The following PPEF1 variants were observed in gnomAD, a reference collection of about 807,000 sequenced individuals.
PPEF1 encodes protein phosphatase with EF-hand domain 1, also known as serine/threonine-protein phosphatase with EF-hands 1.
PPEF1 carries 12 observed loss-of-function variants against 53.3 expected under a neutral mutation model. That is an observed-to-expected ratio of 0.23 (90% CI 0.14 to 0.36). The LOEUF (loss-of-function observed/expected upper bound fraction) is 0.36. PPEF1 is among the 10% of genes least tolerant of loss of function. The probability of loss-of-function intolerance (pLI) is 1.00; values close to 1 mark genes in which losing one functional copy is unlikely to be tolerated. For synonymous variants in PPEF1, 165 were observed against 176.7 expected (o/e 0.93, Z 0.52); for missense variants, 334 against 490.4 (o/e 0.68, Z 3.01).
intron 6 of PPEF1, among the ~76,000 whole-genome samples, chrX:18,700,905 A>C (rs900623008): frequency 8.9e-6 from 1 of 112,661 alleles, no homozygotes; most frequent in African/African-American, 3.2e-5. Context: ...CTCTTTAGTG[A>C]TTTAGTTCGT....
chrX:18,686,886 G>A (rs778072792), intron 3 of PPEF1, among the ~76,000 whole-genome samples: 3 of 110,970 alleles, frequency 2.7e-5, no homozygotes, highest in Non-Finnish European at 5.7e-5. Flanking sequence ...CTTGGTTTTC[G>A]TCCCACATGA....
At chrX:18,788,075 G>C (rs1245493669) in intron 9 of PPEF1, among the ~76,000 whole-genome samples, 1 of 111,805 alleles carries the variant, frequency 8.9e-6, no homozygotes, top group Non-Finnish European at 1.9e-5. Context: ...CGAGCACTTT[G>C]GGAGGCCAAG....
chrX:18,796,999 A>G (rs1988963294), intron 10 of PPEF1, among the ~76,000 whole-genome samples: 2 of 111,600 alleles, frequency 1.8e-5, no homozygotes, highest in South Asian at 3.8e-4. Context: ...ACTGGGGCTC[A>G]TTATTCCATA....
At chrX:18,786,465 G>A (rs1000578896) in intron 9 of PPEF1, among the ~76,000 whole-genome samples, 3 of 111,451 alleles carry the variant, frequency 2.7e-5, no homozygotes, top group Non-Finnish European at 5.6e-5. Flanking sequence ...ATTTTTGGGA[G>A]GATTAAATGT....
At chrX:18,755,305 G>A (rs1175435694) in intron 4 of PPEF1, among the ~76,000 whole-genome samples, 4 of 111,541 alleles carry the variant, frequency 3.6e-5, no homozygotes, top group Non-Finnish European at 7.5e-5. Context: ...AGTGGCTCAC[G>A]CCTGTAATCC....
intron 3 of PPEF1, among the ~76,000 whole-genome samples, chrX:18,738,861 T>G (rs2045067104): frequency 8.9e-6 from 1 of 111,804 alleles, no homozygotes; most frequent in African/African-American, 3.2e-5. Flanking sequence ...CTCTTCTCGC[T>G]TCATTTCATT....
chrX:18,715,307 G>A (rs1324005938), intron 1 of PPEF1, among the ~76,000 whole-genome samples: 1 of 111,538 alleles, frequency 9.0e-6, no homozygotes, highest in Non-Finnish European at 1.9e-5. Flanking sequence ...TGAGGTGGGT[G>A]GATCACTTGA....
intron 2 of PPEF1, among the ~76,000 whole-genome samples, chrX:18,733,246 G>T (rs1010087812): frequency 9.0e-6 from 1 of 111,500 alleles, no homozygotes; most frequent in East Asian, 2.8e-4. Flanking sequence ...ACAAAATTTG[G>T]TAGCTGTCTT....
chrX:18,798,324 C>T (rs866825825), intron 10 of PPEF1, among the ~76,000 whole-genome samples: 2 of 111,781 alleles, frequency 1.8e-5, no homozygotes, highest in South Asian at 3.7e-4. Context: ...TGAGCCACGG[C>T]GCCTGGCCAA....
chrX:18,718,747 T>A (rs1367945904), intron 1 of PPEF1, among the ~76,000 whole-genome samples: 1 of 112,082 alleles, frequency 8.9e-6, no homozygotes, highest in Non-Finnish European at 1.9e-5. Flanking sequence ...TGTTAGGAAA[T>A]CTTGTTACAG....
chrX:18,806,658 A>C, intron 12 of PPEF1, 113 bp downstream of exon 12: 22 of 757,530 alleles, frequency 2.9e-5, no homozygotes, highest in Admixed American at 3.7e-5. Context: ...TAGCTTACTC[A>C]TTAGTATCAA....
intron 3 of PPEF1, among the ~76,000 whole-genome samples, chrX:18,734,053 A>G (rs2044902808): frequency 9.0e-6 from 1 of 111,683 alleles, no homozygotes; most frequent in Non-Finnish European, 1.9e-5. Context: ...AATTCATTCA[A>G]TATTCATTTG....
intron 3 of PPEF1, among the ~76,000 whole-genome samples, chrX:18,689,670 T>C (rs755749859): frequency 9.1e-6 from 1 of 109,755 alleles, no homozygotes; most frequent in South Asian, 4.0e-4. Context: ...GGAATCTGTG[T>C]TTTGACAAGA....
intron 15 of PPEF1, among the ~76,000 whole-genome samples, chrX:18,826,392 AAGGGC>A (rs2047164311): frequency 9.8e-6 from 1 of 101,852 alleles, no homozygotes. Flanking sequence ...TTTGGGGAGT[AAGGGC>A]TATGAAAAGT....
upstream of PPEF1, among the ~76,000 whole-genome samples, chrX:18,705,640 G>A (rs184540037): frequency 9.8e-4 from 109 of 111,412 alleles, no homozygotes; most frequent in South Asian, 0.011. Flanking sequence ...ACTTGAGCCC[G>A]GGAGGTGGAG....
chrX:18,726,925 G>C (rs773978863), intron 1 of PPEF1, among the ~76,000 whole-genome samples: 34 of 112,290 alleles, frequency 3.0e-4, no homozygotes, highest in African/African-American at 1.0e-3. Flanking sequence ...GCCTCCCAAA[G>C]TGTTGGGATT....
At chrX:18,678,266 A>T (rs1928751823), upstream of PPEF1, among the ~76,000 whole-genome samples, 1 of 109,539 alleles carries the variant, frequency 9.1e-6, no homozygotes, top group African/African-American at 3.3e-5. Context: ...CCCCATCTCT[A>T]TAAAAAAATA....
At chrX:18,717,613 T>G (rs2044486394) in intron 1 of PPEF1, among the ~76,000 whole-genome samples, 1 of 111,413 alleles carries the variant, frequency 9.0e-6, no homozygotes, top group South Asian at 3.8e-4. Context: ...TTTTCAGTGC[T>G]GATTTTGCTC....
chrX:18,818,393 C>CA (rs2046963062), intron 13 of PPEF1, among the ~76,000 whole-genome samples: 2 of 92,194 alleles, frequency 2.2e-5, no homozygotes, highest in Admixed American at 2.6e-4. Context: ...TTTTTTGAGA[C>CA]AGAGTCTTGT....
Sources: allele counts gnomAD v4.1 joint callset (sites outside exome capture counted in the v4.1 genomes callset), GRCh38; gene constraint gnomAD v4.1.1; transcripts MANE v1.5; gene names NCBI Gene and HGNC (gene_info 2026-07-23, HGNC 2026-07-21).